The following ARFIP1 variants were observed in gnomAD, a reference collection of about 807,000 sequenced individuals.
The protein encoded by ARFIP1 is ARF interacting protein 1, also known as arfaptin-1.
Under a neutral mutation model 42.5 loss-of-function variants are expected in ARFIP1, and 24 were observed. The observed-to-expected ratio is 0.57, with a 90% CI of 0.41 to 0.80. The LOEUF (loss-of-function observed/expected upper bound fraction) is 0.80. Among genes scored for constraint, ARFIP1 ranks in the 30% least tolerant of loss-of-function variants. The pLI is 0.00. For synonymous variants in ARFIP1, 141 were observed against 153.7 expected, an observed-to-expected ratio of 0.92 and a Z score of 0.61; for missense variants, 354 against 434.0, an observed-to-expected ratio of 0.82 and a Z score of 1.64.
At chr4:152,808,913 A>G (rs559915325) in intron 1 of ARFIP1, among the ~76,000 whole-genome samples, 41 of 152,142 alleles carry the variant, frequency 2.7e-4, no homozygotes, top group Admixed American at 1.2e-3. Context: ...GTTTCACCAC[A>G]TGGTGGCATG....
intron 8 of ARFIP1, among the ~76,000 whole-genome samples, chr4:152,890,111 A>G (rs928943779): frequency 6.6e-6 from 1 of 151,790 alleles, no homozygotes; most frequent in South Asian, 2.1e-4. Flanking sequence ...GAGGTATGCT[A>G]GAAGAATATA....
At chr4:152,872,884 G>T (rs1735008636) in intron 5 of ARFIP1, among the ~76,000 whole-genome samples, 1 of 152,086 alleles carries the variant, frequency 6.6e-6, no homozygotes, top group African/African-American at 2.4e-5. Flanking sequence ...CCCTCCTTTT[G>T]ATACTTTATA....
chr4:152,877,830 G>A (rs1735493611), intron 5 of ARFIP1, among the ~76,000 whole-genome samples: 1 of 152,122 alleles, frequency 6.6e-6, no homozygotes, highest in African/African-American at 2.4e-5. Flanking sequence ...AGGGGTTTCC[G>A]ATTTTGCTTC....
Position 152,910,372 on chromosome 4 carries a change from A to G in ARFIP1, c.*153A>G. 1.2e-6 allele frequency: 1 copy of G among 857,956 alleles called. No homozygotes were observed. The allele number at this position is 857,956 out of a possible 1,614,324, so 53.1% of individuals were successfully genotyped here. ...TAATTTTTCCCTTTTTCATACTTTAACAATTGAACTGTTAAGGGTGGTTTT... is the reference window on the plus strand; with the variant it reads ...TAATTTTTCCCTTTTTCATACTTTAGCAATTGAACTGTTAAGGGTGGTTTT... On this transcript the variant is annotated 3_prime_UTR_variant, in exon 9 of 9. Coordinates refer to ENST00000353617, the MANE Select transcript of ARFIP1 (RefSeq NM_001025595.3).
chr4:152,857,849 A>G (rs982790969), intron 2 of ARFIP1, among the ~76,000 whole-genome samples: 2 of 152,044 alleles, frequency 1.3e-5, no homozygotes, highest in African/African-American at 4.8e-5. Flanking sequence ...TTTACTATCA[A>G]TCTCCTCCCT....
intron 3 of ARFIP1, among the ~76,000 whole-genome samples, chr4:152,867,254 G>A (rs1734479776): frequency 6.6e-6 from 1 of 152,206 alleles, no homozygotes; most frequent in African/African-American, 2.4e-5. Context: ...GGCACCTCGG[G>A]AGGCTGAGGC....
In ARFIP1 at chr4:152,808,283, A is replaced by ATTTTTTTTTTTTTTTTTTTTTTTTT. The variant is rs61135783; in HGVS notation, c.-9-21332_-9-21308dup. On this transcript the variant is annotated intron_variant, in intron 1 of 8. Transcript: ENST00000353617. ...GTGTGAGCCACCACGCCTGGCCTCC[A>ATTTTTTTTTTTTTTTTTTTTTTTTT]TTTTTTTTTTTTTTTTTTTTTTTTT... is the stretch of plus-strand genomic sequence containing the variant. 1.6e-3 allele frequency among the ~76,000 whole-genome samples: 33 copies of ATTTTTTTTTTTTTTTTTTTTTTTTT among 20,318 alleles called. 3 individuals are homozygous for ATTTTTTTTTTTTTTTTTTTTTTTTT. Among genetic ancestry groups the ATTTTTTTTTTTTTTTTTTTTTTTTT allele is most frequent in the Middle Eastern group, 0.038 (1 of 26 alleles). 13.3% of individuals were successfully genotyped at this position (20,318 alleles called of 152,430 possible).
intron 7 of ARFIP1, among the ~76,000 whole-genome samples, chr4:152,884,004 C>T (rs1327054105): frequency 1.3e-5 from 2 of 151,894 alleles, no homozygotes; most frequent in Admixed American, 6.6e-5. Flanking sequence ...AGTATTTTTG[C>T]AATTGAGTGC....
chr4:152,879,863 C>G (rs796364066), intron 5 of ARFIP1, among the ~76,000 whole-genome samples: 6 of 151,690 alleles, frequency 4.0e-5, no homozygotes, highest in African/African-American at 1.4e-4. Flanking sequence ...CAAAACAAAA[C>G]AAAACAAAAA....
chr4:152,831,741 A>C (rs1398281365), intron 2 of ARFIP1, among the ~76,000 whole-genome samples: 3 of 152,168 alleles, frequency 2.0e-5, no homozygotes, highest in Non-Finnish European at 2.9e-5. Context: ...AGATTCAGTC[A>C]TATTGTTGCT....
intron 1 of ARFIP1, among the ~76,000 whole-genome samples, chr4:152,826,145 A>G (rs1360442737): frequency 6.6e-6 from 1 of 152,180 alleles, no homozygotes; most frequent in East Asian, 1.9e-4. Flanking sequence ...CAAAGGAAAA[A>G]AAGTCACTAT....
intron 7 of ARFIP1, among the ~76,000 whole-genome samples, chr4:152,886,234 C>T (rs1736249634): frequency 6.6e-6 from 1 of 152,118 alleles, no homozygotes; most frequent in South Asian, 2.1e-4. Context: ...TCTTACACTA[C>T]CACCAGGGTC....
At chr4:152,849,935 G>T (rs1246776318) in intron 2 of ARFIP1, among the ~76,000 whole-genome samples, 1 of 121,632 alleles carries the variant, frequency 8.2e-6, no homozygotes, top group African/African-American at 3.0e-5. Flanking sequence ...TGAAATCTGA[G>T]ACTAAGGTGT....
chr4:152,781,234 CTT>C (rs535397594), intron 1 of ARFIP1, among the ~76,000 whole-genome samples: 86 of 118,904 alleles, frequency 7.2e-4, no homozygotes, highest in African/African-American at 2.2e-3. Flanking sequence ...TTTCTTTTTT[CTT>C]TTTTTTTTTT....
chr4:152,828,448 T>C (rs1308736592), intron 1 of ARFIP1, among the ~76,000 whole-genome samples: 1 of 152,190 alleles, frequency 6.6e-6, no homozygotes, highest in African/African-American at 2.4e-5. Context: ...TAATTTGCAA[T>C]TCCCTTATGA....
intron 2 of ARFIP1, chr4:152,850,641 A>G (rs1291576515): frequency 6.6e-6 from 1 of 152,226 alleles, no homozygotes; most frequent in East Asian, 1.9e-4. Context: ...TCTGGGCTTC[A>G]CATTCCAACT....
intron 3 of ARFIP1, among the ~76,000 whole-genome samples, chr4:152,868,277 T>G (rs1734576242): frequency 6.6e-6 from 1 of 152,192 alleles, no homozygotes; most frequent in Admixed American, 6.5e-5. Flanking sequence ...GTACCAGGGT[T>G]TTGTTTTAAT....
At chr4:152,783,471 C>A (rs376228854) in intron 1 of ARFIP1, among the ~76,000 whole-genome samples, 3 of 152,256 alleles carry the variant, frequency 2.0e-5, no homozygotes, top group South Asian at 4.1e-4. Flanking sequence ...CAAATGATAA[C>A]CTTATAAAGT....
intron 3 of ARFIP1, among the ~76,000 whole-genome samples, chr4:152,865,446 A>AT (rs1734248614): frequency 6.6e-6 from 1 of 152,030 alleles, no homozygotes; most frequent in African/African-American, 2.4e-5. Context: ...CGTATGCTGT[A>AT]TTTTTTATTG....
Sources: gnomAD v4.1 joint callset for allele counts (sites outside exome capture counted in the v4.1 genomes callset) on GRCh38, gnomAD v4.1.1 for gene constraint, MANE v1.5 for transcripts, NCBI Gene and HGNC (gene_info 2026-07-23, HGNC 2026-07-21) for gene names.